Variants in CPNE1 observed in about 807,000 individuals in gnomAD.
CPNE1 encodes the protein copine 1, also known as copine-1.
Under a neutral mutation model 63.2 loss-of-function variants are expected in CPNE1, and 58 were observed. The ratio of observed to expected loss-of-function variants is 0.92; its 90% confidence interval spans 0.74 to 1.14. The LOEUF (loss-of-function observed/expected upper bound fraction) is 1.14. Among genes scored for constraint, CPNE1 ranks in the 50% most tolerant of loss-of-function variants. The pLI is 0.00. For missense variants in CPNE1, 672 were observed against 661.7 expected, an observed-to-expected ratio of 1.02 and a Z score of -0.17; for synonymous variants, 237 against 249.0, an observed-to-expected ratio of 0.95 and a Z score of 0.45.
chr20:35,647,835 A>C (rs1170583485), intron 1 of CPNE1, among the ~76,000 whole-genome samples: 2 of 151,216 alleles, frequency 1.3e-5, no homozygotes, highest in African/African-American at 2.4e-5. Context: ...TGGGCGGATC[A>C]TGAGATCAGG....
chr20:35,652,561 G>T, intron 1 of CPNE1: 1 of 1,614,016 alleles, frequency 6.2e-7, no homozygotes, highest in Non-Finnish European at 8.5e-7. Flanking sequence ...TGAACCTATA[G>T]GCCTGTCATT....
rs1455003860 is a variant in CPNE1 at position 35,630,997 on chromosome 20, G to A, written c.899C>T (p.Ser300Phe). The change falls in exon 11 of 16, where the codon TCC (serine) becomes TTC (phenylalanine). Residue 300 changes from serine to phenylalanine, a missense_variant. Coordinates refer to ENST00000397443, the MANE Select transcript of CPNE1 (RefSeq NM_152925.3). Reference sequence around the variant, plus strand: ...CAGGTAGTGTAGGGAGTCAGGTGAGGAGGGGTCTCCATTGGAGCCAGTGAA... The same window carrying A: ...CAGGTAGTGTAGGGAGTCAGGTGAGAAGGGGTCTCCATTGGAGCCAGTGAA... ...VDFTGSNGDPSSPDSLHYLSP... is the reference protein window; with the variant it reads ...VDFTGSNGDPFSPDSLHYLSP... The A allele has an allele frequency of 6.2e-6, 10 of 1,613,972 alleles. No individual in the cohort carries two copies. The highest frequency in any genetic ancestry group is 1.7e-5 in the Admixed American group (1 of 59,994).
intron 1 of CPNE1, among the ~76,000 whole-genome samples, chr20:35,641,222 A>T (rs928080074): frequency 6.6e-6 from 1 of 152,274 alleles, no homozygotes; most frequent in Non-Finnish European, 1.5e-5. Flanking sequence ...CATAGAGGGA[A>T]GATGTGGTTT....
intron 1 of CPNE1, among the ~76,000 whole-genome samples, chr20:35,638,192 T>C (rs2032596188): frequency 6.6e-6 from 1 of 152,198 alleles, no homozygotes; most frequent in Admixed American, 6.5e-5. Context: ...GCTGAACAAA[T>C]GGTGAATGTG....
intron 1 of CPNE1, chr20:35,647,535 G>C (rs200425071): frequency 2.0e-5 from 3 of 152,206 alleles, no homozygotes; most frequent in South Asian, 2.1e-4. Context: ...TAGACTTTCA[G>C]AGTGCTGTCC....
intron 1 of CPNE1, among the ~76,000 whole-genome samples, chr20:35,639,621 C>T (rs924305187): frequency 7.9e-5 from 12 of 152,340 alleles, no homozygotes; most frequent in African/African-American, 2.9e-4. Context: ...CAGGCATGAG[C>T]CACCGCACCC....
At chr20:35,658,773 C>T (rs1384446050) in intron 1 of CPNE1, among the ~76,000 whole-genome samples, 6 of 147,684 alleles carry the variant, frequency 4.1e-5, no homozygotes, top group African/African-American at 7.5e-5. Flanking sequence ...AGCAAGACTC[C>T]GTCTCAAAAC....
intron 1 of CPNE1, among the ~76,000 whole-genome samples, chr20:35,644,009 G>T (rs1006706543): frequency 6.6e-6 from 1 of 152,062 alleles, no homozygotes; most frequent in Non-Finnish European, 1.5e-5. Flanking sequence ...AAACATCTTT[G>T]TTTTCCCCTT....
At chr20:35,653,737 C>T in intron 1 of CPNE1, 1 of 1,614,142 alleles carries the variant, frequency 6.2e-7, no homozygotes, top group Non-Finnish European at 8.5e-7. Context: ...TATCATTTCC[C>T]TCTGGTCATA....
intron 1 of CPNE1, chr20:35,654,177 CCACT>C: frequency 6.2e-7 from 1 of 1,614,188 alleles, no homozygotes; most frequent in South Asian, 1.1e-5. Flanking sequence ...CAGCAGCTAC[CCACT>C]GTCTTTCTGT....
chr20:35,650,594 G>C (rs1381734691), intron 1 of CPNE1: 1 of 152,598 alleles, frequency 6.6e-6, no homozygotes, highest in Non-Finnish European at 1.5e-5. Context: ...TGAGGAGGCA[G>C]TATCTAGTGA....
chr20:35,631,085 G>A (rs763662681), intron 10 of CPNE1, 29 bp downstream of exon 10: 1 of 1,614,142 alleles, frequency 6.2e-7, no homozygotes, highest in South Asian at 1.1e-5. Context: ...CCCCAGACCT[G>A]TTCTCTTGCC....
At chr20:35,646,252 C>CAAAAAAAAAAA (rs549372063) in intron 1 of CPNE1, among the ~76,000 whole-genome samples, 8 of 58,354 alleles carry the variant, frequency 1.4e-4, no homozygotes, top group Non-Finnish European at 2.7e-4. Context: ...AAGACCATCT[C>CAAAAAAAAAAA]AAAAAAAAAA....
intron 1 of CPNE1, among the ~76,000 whole-genome samples, chr20:35,641,837 A>G (rs2032828118): frequency 6.6e-6 from 1 of 152,244 alleles, no homozygotes; most frequent in Non-Finnish European, 1.5e-5. Flanking sequence ...CCTGCCACAC[A>G]GCATATACCT....
chr20:35,632,991 G>C (rs2032270033), intron 1 of CPNE1, 68 bp from the exon 2 acceptor site: 2 of 822,258 alleles, frequency 2.4e-6, no homozygotes, highest in African/African-American at 3.3e-5. Flanking sequence ...ACAGGTCCCA[G>C]CTTGGGAAGG....
rs754894735 is a variant in CPNE1 at position 35,626,794 on chromosome 20, T to C, written c.1246A>G (p.Met416Val). 3 of 1,613,520 alleles carry C rather than the reference T, an allele frequency of 1.9e-6. No homozygotes were observed. The highest frequency in any genetic ancestry group is 3.3e-5 in the Admixed American group (2 of 60,012). ...GCACCATCAGTCAGCAGCAACAGCA[T>C]GAAGTATTGCTGGGGACAAGCCCAT... is the stretch of plus-strand genomic sequence containing the variant. Reference protein sequence around the residue: ...AHQGTASQYFMLLLLTDGAVT... With the variant: ...AHQGTASQYFVLLLLTDGAVT... The change falls in exon 15 of 16, where the codon ATG (methionine) becomes GTG (valine). Residue 416 changes from methionine (M) to valine (V), a missense_variant. By Grantham distance (21) the Met-to-Val change is conservative. Coordinates refer to ENST00000397443, the MANE Select transcript of CPNE1 (RefSeq NM_152925.3).
At chr20:35,629,503 A>G (rs1231662725) in intron 13 of CPNE1, among the ~76,000 whole-genome samples, 1 of 152,158 alleles carries the variant, frequency 6.6e-6, no homozygotes, top group African/African-American at 2.4e-5. Flanking sequence ...TAACGATAAT[A>G]TAACAGATAC....
At chr20:35,639,102 AAC>A (rs202015491) in intron 1 of CPNE1, among the ~76,000 whole-genome samples, 20,423 of 149,478 alleles carry the variant, frequency 0.14, 1,281 homozygotes, top group Middle Eastern at 0.18. Context: ...AAAAAAAAAA[AAC>A]AAAACCCAAC....
Position 35,626,125 on chromosome 20 carries a change from A to G in CPNE1, c.*116T>C, listed in dbSNP as rs770264740. 7 of 1,103,470 alleles carry G rather than the reference A, an allele frequency of 6.3e-6. No individual in the cohort carries two copies. In the East Asian group the frequency reaches 1.7e-4, roughly 26 times the overall value. 68.4% of individuals were successfully genotyped at this position (1,103,470 alleles called of 1,614,324 possible). A position where few individuals can be genotyped will look rare whatever the true frequency, so the allele number is the denominator to read the frequency against. On this transcript the variant is annotated 3_prime_UTR_variant, in exon 16 of 16. Transcript: ENST00000397443. ...GAGCAGCAAAAGCAGAAACAAGTATAAAAGTATCAAAAAATACAAAGTGCT... is the reference window on the plus strand; with the variant it reads ...GAGCAGCAAAAGCAGAAACAAGTATGAAAGTATCAAAAAATACAAAGTGCT...
Sources: allele counts gnomAD v4.1 joint callset (sites outside exome capture counted in the v4.1 genomes callset), GRCh38; gene constraint gnomAD v4.1.1; transcripts MANE v1.5; gene names NCBI Gene and HGNC (gene_info 2026-07-23, HGNC 2026-07-21).